USP10: variants seen among roughly 807,000 people sequenced by gnomAD.
USP10 encodes ubiquitin specific peptidase 10.
In USP10, 22 loss-of-function variants were observed where a neutral mutation model predicts 84.5. The observed-to-expected ratio is 0.26, with a 90% CI of 0.19 to 0.37. The LOEUF is 0.37. Among genes scored for constraint, USP10 ranks in the 10% least tolerant of loss-of-function variants. USP10 has a pLI of 1.00. For missense variants in USP10, 1,019 were observed against 998.9 expected, an observed-to-expected ratio of 1.02 and a Z score of -0.27; for synonymous variants, 454 against 387.6, an observed-to-expected ratio of 1.17 and a Z score of -2.01.
chr16:84,737,744 C>T (rs528967891), intron 2 of USP10, among the ~76,000 whole-genome samples: 10 of 152,176 alleles, frequency 6.6e-5, no homozygotes, highest in Non-Finnish European at 1.5e-4. Flanking sequence ...GGCAGTGTCG[C>T]CTGGCTTCCT....
rs1261698812 is a variant in USP10 at position 84,758,718 on chromosome 16, T to C, written c.1195T>C (p.Leu399=). 2.5e-6 allele frequency: 4 copies of C among 1,610,272 alleles called. No individual in the cohort carries two copies. The South Asian group carries it at 3.3e-5, about 13-fold the overall frequency. ...EDPVAIKIAE[L]LENVTLIHKP... Reference sequence around the variant, plus strand: ...AATATGCTTCTTCACTCTTTCAGAGTTGCTGGAGAATGTAACCCTAATCCA... The same window carrying C: ...AATATGCTTCTTCACTCTTTCAGAGCTGCTGGAGAATGTAACCCTAATCCA... Residue 399 remains leucine, a splice_region_variant and synonymous_variant, in exon 5 of 14, where the codon TTG becomes CTG. Coordinates refer to ENST00000219473, the MANE Select transcript of USP10 (RefSeq NM_005153.3).
intron 1 of USP10, among the ~76,000 whole-genome samples, chr16:84,707,747 T>C (rs1040203023): frequency 6.6e-6 from 1 of 152,164 alleles, no homozygotes; most frequent in African/African-American, 2.4e-5. Context: ...CCACAACTTA[T>C]AACATGTTGT....
rs561772740 is a variant in USP10, at chr16:84,759,452, A to C, written c.1374A>C (p.Ser458=). 3 of 1,614,016 alleles carry C rather than the reference A, an allele frequency of 1.9e-6. No homozygotes were observed. Among genetic ancestry groups the C allele is most frequent in the African/African-American group, 2.7e-5 (2 of 75,058 alleles). The change falls in exon 6 of 14, where the codon TCA becomes TCC. Residue 458 remains serine (S), a synonymous_variant. Coordinates refer to ENST00000219473, the MANE Select transcript of USP10 (RefSeq NM_005153.3). ...LYSKVQRPCT[S]TPMIDSFVRL... ...CCAAAGTGCAAAGGCCTTGTACGTCAACACCCATGATAGACAGCTTGTAAG... is the reference window on the plus strand; with the variant it reads ...CCAAAGTGCAAAGGCCTTGTACGTCCACACCCATGATAGACAGCTTGTAAG...
At chr16:84,766,490 G>A (rs893680558) in intron 10 of USP10, among the ~76,000 whole-genome samples, 1 of 152,264 alleles carries the variant, frequency 6.6e-6, no homozygotes, top group African/African-American at 2.4e-5. Flanking sequence ...TGCTCCTTCA[G>A]CCCAGCAGCC....
At chr16:84,725,501 A>G (rs1291626997) in intron 1 of USP10, among the ~76,000 whole-genome samples, 1 of 152,116 alleles carries the variant, frequency 6.6e-6, no homozygotes, top group Non-Finnish European at 1.5e-5. Flanking sequence ...GCTGGGTTCA[A>G]GCAATTCTCC....
intron 4 of USP10, among the ~76,000 whole-genome samples, chr16:84,755,795 CAAAAA>C (rs34780846): frequency 7.2e-6 from 1 of 138,610 alleles, no homozygotes; most frequent in African/African-American, 2.8e-5. Context: ...GAGACTGTCT[CAAAAA>C]AAAAAAAAAA....
At chr16:84,717,788 A>C (rs747187401) in intron 1 of USP10, among the ~76,000 whole-genome samples, 8 of 152,186 alleles carry the variant, frequency 5.3e-5, no homozygotes, top group Admixed American at 1.3e-4. Flanking sequence ...TGATTCATTG[A>C]GGTCCTAGTC....
chr16:84,748,950 AG>A, intron 4 of USP10, among the ~76,000 whole-genome samples: 1 of 152,338 alleles, frequency 6.6e-6, no homozygotes, highest in Non-Finnish European at 1.5e-5. Context: ...CTATTTGGTT[AG>A]GTCAGTTATG....
At chr16:84,739,347 C>G (rs926624739) in intron 2 of USP10, among the ~76,000 whole-genome samples, 1 of 152,108 alleles carries the variant, frequency 6.6e-6, no homozygotes, top group Non-Finnish European at 1.5e-5. Flanking sequence ...TCTCGGCTCA[C>G]TGCAACCTCC....
chr16:84,729,646 A>G (rs1050199721), intron 1 of USP10, among the ~76,000 whole-genome samples: 1 of 152,244 alleles, frequency 6.6e-6, no homozygotes, highest in Admixed American at 6.5e-5. Flanking sequence ...CCGTTCCTTT[A>G]TTTCAGTTAT....
intron 1 of USP10, among the ~76,000 whole-genome samples, chr16:84,724,903 GCA>G (rs1213006919): frequency 6.6e-6 from 1 of 152,206 alleles, no homozygotes; most frequent in Non-Finnish European, 1.5e-5. Context: ...GAAGTTGAAA[GCA>G]CACAATGATT....
At chr16:84,771,054 CAAAA>C (rs34058047) in intron 11 of USP10, among the ~76,000 whole-genome samples, 2 of 130,658 alleles carry the variant, frequency 1.5e-5, no homozygotes, top group African/African-American at 3.0e-5. Flanking sequence ...GAGACTGTCT[CAAAA>C]AAAAAAAAAA....
chr16:84,714,653 G>T (rs73243932), intron 1 of USP10, among the ~76,000 whole-genome samples: 1 of 151,806 alleles, frequency 6.6e-6, no homozygotes, highest in African/African-American at 2.4e-5. Flanking sequence ...TGTTTGGCAG[G>T]TTTTTTTGGT....
intron 3 of USP10, 138 bp downstream of exon 3, chr16:84,740,507 A>G (rs764193483): frequency 1.5e-5 from 10 of 679,954 alleles, no homozygotes; most frequent in African/African-American, 7.2e-5. Flanking sequence ...ACTGTAATGT[A>G]TTTAATTGCT....
chr16:84,767,776 AT>A (rs935923398), intron 10 of USP10, among the ~76,000 whole-genome samples: 23 of 149,846 alleles, frequency 1.5e-4, no homozygotes, highest in East Asian at 7.8e-4. Context: ...AATTATTATT[AT>A]TTTTTTTAAT....
intron 1 of USP10, among the ~76,000 whole-genome samples, chr16:84,723,656 T>C (rs1019853279): frequency 2.0e-5 from 3 of 152,258 alleles, no homozygotes; most frequent in African/African-American, 7.2e-5. Context: ...CTATGCCAAG[T>C]CTACTGCATT....
intron 11 of USP10, among the ~76,000 whole-genome samples, chr16:84,769,615 T>C (rs1914216582): frequency 6.6e-6 from 1 of 152,148 alleles, no homozygotes; most frequent in Non-Finnish European, 1.5e-5. Flanking sequence ...CTCACTTCTG[T>C]GGCAGCTGCA....
chr16:84,712,681 C>T (rs1906471514), intron 1 of USP10, among the ~76,000 whole-genome samples: 1 of 152,298 alleles, frequency 6.6e-6, no homozygotes, highest in African/African-American at 2.4e-5. Context: ...CTGCTTCCCA[C>T]AGTATCACCT....
intron 1 of USP10, among the ~76,000 whole-genome samples, chr16:84,726,132 A>AG (rs1213423689): frequency 6.6e-6 from 1 of 152,254 alleles, no homozygotes; most frequent in Non-Finnish European, 1.5e-5. Flanking sequence ...TTGAAGGCAG[A>AG]GAATGTTAAT....
Sources: gnomAD v4.1 joint callset for allele counts (sites outside exome capture counted in the v4.1 genomes callset) on GRCh38, gnomAD v4.1.1 for gene constraint, MANE v1.5 for transcripts, NCBI Gene and HGNC (gene_info 2026-07-23, HGNC 2026-07-21) for gene names.